The following PBX1 variants were observed in gnomAD, a reference collection of about 807,000 sequenced individuals.
The protein encoded by PBX1 is PBX homeobox 1.
In PBX1, 6 loss-of-function variants were observed where a neutral mutation model predicts 53.4. That is an observed-to-expected ratio of 0.11 (90% confidence interval 0.06 to 0.22). PBX1 has a LOEUF of 0.22. Ranked by LOEUF, PBX1 falls within the 10% of genes least tolerant of loss-of-function variation. PBX1 has a pLI of 1.00. For missense variants in PBX1, 251 were observed against 551.4 expected, an observed-to-expected ratio of 0.46 and a Z score of 5.46; for synonymous variants, 204 against 212.3, an observed-to-expected ratio of 0.96 and a Z score of 0.34.
chr1:164,820,311 G>A (rs1203045494), intron 7 of PBX1, 127 bp downstream of exon 7: 11 of 593,694 alleles, frequency 1.9e-5, no homozygotes, highest in Admixed American at 3.0e-5. Context: ...CCTTACCAAC[G>A]ACCGAACCAA....
chr1:164,690,646 C>CT (rs1404114761), intron 2 of PBX1, among the ~76,000 whole-genome samples: 4 of 143,922 alleles, frequency 2.8e-5, no homozygotes, highest in African/African-American at 1.1e-4. Context: ...AAAAAAAAAT[C>CT]TTTTTTCTGT....
Position 164,849,331 on chromosome 1 carries a change from T to G in PBX1, c.*2655T>G, listed in dbSNP as rs751335822. 6.5e-7 allele frequency: 1 copy of G among 1,535,688 alleles called. No individual in the cohort carries two copies. The highest frequency in any genetic ancestry group is 2.0e-5 in the Admixed American group (1 of 50,996). On this transcript the variant is annotated 3_prime_UTR_variant, in exon 9 of 9. Coordinates refer to ENST00000420696, the MANE Select transcript of PBX1 (RefSeq NM_002585.4). ...AACCAGCATTTCACTTAGTCTTCTC[T>G]ATACCCAGCACCTCCCCCGGCACCC... is the stretch of plus-strand genomic sequence containing the variant.
chr1:164,643,662 A>G (rs547955505), intron 2 of PBX1, among the ~76,000 whole-genome samples: 2 of 152,352 alleles, frequency 1.3e-5, no homozygotes, highest in Admixed American at 6.5e-5. Context: ...TTGGATACTT[A>G]TGACATGCTG....
At chr1:164,836,357 A>G (rs575778733) in intron 8 of PBX1, among the ~76,000 whole-genome samples, 151 of 152,274 alleles carry the variant, frequency 9.9e-4, no homozygotes, top group Middle Eastern at 3.4e-3. Flanking sequence ...TACTGCAGAG[A>G]TTCTGGGACT....
intron 2 of PBX1, among the ~76,000 whole-genome samples, chr1:164,736,476 C>T (rs915627859): frequency 6.6e-6 from 1 of 152,120 alleles, no homozygotes; most frequent in Non-Finnish European, 1.5e-5. Context: ...CACGCTCTCT[C>T]GTCTCAACCT....
At chr1:164,878,240 G>A (rs1449440418) in intron 2 of PBX1, among the ~76,000 whole-genome samples, 1 of 152,058 alleles carries the variant, frequency 6.6e-6, no homozygotes, top group Non-Finnish European at 1.5e-5. Flanking sequence ...CTACATTATA[G>A]GGTTACTGTG....
chr1:164,870,865 C>G (rs979613115), intron 2 of PBX1, among the ~76,000 whole-genome samples: 1 of 152,178 alleles, frequency 6.6e-6, no homozygotes, highest in Non-Finnish European at 1.5e-5. Context: ...CACTCCCCAT[C>G]TCCTATTTTG....
intron 2 of PBX1, among the ~76,000 whole-genome samples, chr1:164,609,743 G>C (rs140793610): frequency 6.6e-6 from 1 of 152,332 alleles, no homozygotes; most frequent in African/African-American, 2.4e-5. Flanking sequence ...GACAGGCTTA[G>C]AGGCAGAGAC....
At chr1:164,631,582 T>C (rs1571108135) in intron 2 of PBX1, among the ~76,000 whole-genome samples, 8 of 152,366 alleles carry the variant, frequency 5.3e-5, no homozygotes, top group Admixed American at 5.2e-4. Context: ...CATTTCTGCT[T>C]AGCCTCCGGG....
intron 2 of PBX1, among the ~76,000 whole-genome samples, chr1:164,568,625 T>A (rs1206235350): frequency 6.6e-6 from 1 of 152,242 alleles, no homozygotes; most frequent in Non-Finnish European, 1.5e-5. Flanking sequence ...GGCACTGTAT[T>A]TTCTATAATA....
chr1:164,688,299 G>A (rs1215073813), intron 2 of PBX1, among the ~76,000 whole-genome samples: 1 of 152,148 alleles, frequency 6.6e-6, no homozygotes, highest in Non-Finnish European at 1.5e-5. Flanking sequence ...GTATTTGGTA[G>A]CAAGCTCCTA....
At chr1:164,829,960 A>T (rs1670670532) in intron 8 of PBX1, 1 of 152,168 alleles carries the variant, frequency 6.6e-6, no homozygotes, top group Non-Finnish European at 1.5e-5. Flanking sequence ...ACTAAAAAAA[A>T]AGAAATATGG....
chr1:164,834,767 G>A (rs1571499349), intron 8 of PBX1, among the ~76,000 whole-genome samples: 1 of 152,244 alleles, frequency 6.6e-6, no homozygotes, highest in East Asian at 1.9e-4. Flanking sequence ...AAGAGTCTGA[G>A]TTCCCTCAGC....
chr1:164,738,671 A>G (rs1347177926), intron 2 of PBX1, among the ~76,000 whole-genome samples: 1 of 152,202 alleles, frequency 6.6e-6, no homozygotes, highest in Admixed American at 6.5e-5. Flanking sequence ...TCTTTTCCAT[A>G]CAGGACAAAT....
chr1:164,731,627 G>T (rs1664991480), intron 2 of PBX1, among the ~76,000 whole-genome samples: 1 of 152,212 alleles, frequency 6.6e-6, no homozygotes, highest in Non-Finnish European at 1.5e-5. Flanking sequence ...GATGCTGTCA[G>T]ATGAATTCAG....
At chr1:164,804,143 T>C (rs1571438917) in intron 4 of PBX1, among the ~76,000 whole-genome samples, 1 of 152,290 alleles carries the variant, frequency 6.6e-6, no homozygotes, top group East Asian at 1.9e-4. Flanking sequence ...ATGAGCTGTA[T>C]TGGAGAAAAG....
At chr1:164,574,912 G>A (rs1412792231) in intron 2 of PBX1, among the ~76,000 whole-genome samples, 1 of 152,126 alleles carries the variant, frequency 6.6e-6, no homozygotes, top group Non-Finnish European at 1.5e-5. Context: ...AACCCGGGAG[G>A]TGGAGGTTGC....
chr1:164,710,828 T>G (rs1334265824), intron 2 of PBX1, among the ~76,000 whole-genome samples: 1 of 152,208 alleles, frequency 6.6e-6, no homozygotes, highest in Non-Finnish European at 1.5e-5. Context: ...TTTAATTATT[T>G]GAAATATTGT....
At chr1:164,798,581 G>T (rs1243387809) in intron 3 of PBX1, among the ~76,000 whole-genome samples, 7 of 152,214 alleles carry the variant, frequency 4.6e-5, no homozygotes, top group Non-Finnish European at 7.3e-5. Flanking sequence ...CCCTACCTCT[G>T]CCTCTTCATG....
Sources: gnomAD v4.1 joint callset for allele counts (sites outside exome capture counted in the v4.1 genomes callset) on GRCh38, gnomAD v4.1.1 for gene constraint, MANE v1.5 for transcripts, NCBI Gene and HGNC (gene_info 2026-07-23, HGNC 2026-07-21) for gene names.